Variants in FOXO1 observed in about 807,000 individuals in gnomAD.
FOXO1 encodes the protein forkhead box O1.
In FOXO1, 6 loss-of-function variants were observed where a neutral mutation model predicts 44.1. The ratio of observed to expected loss-of-function variants is 0.14; its 90% CI spans 0.07 to 0.27. The LOEUF (loss-of-function observed/expected upper bound fraction) is 0.27, where lower values mean the gene tolerates loss of function less well. FOXO1 is among the 10% of genes least tolerant of loss of function. The probability of loss-of-function intolerance (pLI) is 1.00; values close to 1 mark genes in which losing one functional copy is unlikely to be tolerated. For missense variants in FOXO1, 737 were observed against 888.8 expected (o/e 0.83, Z 2.17); for synonymous variants, 380 against 362.7 (o/e 1.05, Z -0.54).
At chr13:40,585,677 G>T (rs1566067927) in intron 1 of FOXO1, among the ~76,000 whole-genome samples, 1 of 152,150 alleles carries the variant, frequency 6.6e-6, no homozygotes, top group Non-Finnish European at 1.5e-5. Flanking sequence ...TGATTCAGGT[G>T]AGCCCTACTC....
At chr13:40,665,488 T>A (rs1467052820) in intron 1 of FOXO1, 95 bp downstream of exon 1, 4 of 1,117,936 alleles carry the variant, frequency 3.6e-6, no homozygotes, top group Non-Finnish European at 3.5e-6. Context: ...GCTGCCCTCC[T>A]GCTCCGCACC....
intron 1 of FOXO1, among the ~76,000 whole-genome samples, chr13:40,627,726 G>A (rs1478397243): frequency 5.3e-5 from 8 of 151,814 alleles, no homozygotes; most frequent in Non-Finnish European, 1.2e-4. Context: ...CCAGCTACTC[G>A]GGAAGCTGAG....
At position 40,588,734 on chromosome 13, in the gene FOXO1, G is replaced by GGTCTC. The variant is rs992459104; in HGVS notation, c.631-27879_631-27875dup. On this transcript the variant is annotated intron_variant, in intron 1 of 2. Coordinates refer to ENST00000379561, the MANE Select transcript of FOXO1 (RefSeq NM_002015.4). ...AGAATTCAGAATGAGCAACTATGGAGGTCTCCTTGGTAGAATAAAGGGCCT... is the reference window on the plus strand; with the variant it reads ...AGAATTCAGAATGAGCAACTATGGAGGTCTCGTCTCCTTGGTAGAATAAAGGGCCT... Among the ~76,000 whole-genome samples, 4 of 152,132 alleles carry GGTCTC rather than the reference G, an allele frequency of 2.6e-5. No homozygotes were observed. The East Asian group carries it at 7.7e-4, about 29-fold the overall frequency.
At chr13:40,619,913 C>T (rs1876552338) in intron 1 of FOXO1, 1 of 689,622 alleles carries the variant, frequency 1.5e-6, no homozygotes, top group Non-Finnish European at 2.7e-6. Flanking sequence ...TATAATGTTA[C>T]AGTGAGAAAT....
intron 1 of FOXO1, among the ~76,000 whole-genome samples, chr13:40,587,086 G>C (rs990619169): frequency 1.3e-5 from 2 of 152,046 alleles, no homozygotes; most frequent in Non-Finnish European, 2.9e-5. Context: ...AGCACAGATG[G>C]GTTTCTGCAC....
chr13:40,653,452 T>G lies in FOXO1; in HGVS notation c.630+12131A>C, dbSNP rs558209173. On this transcript the variant is annotated intron_variant, in intron 1 of 2. Coordinates refer to ENST00000379561, the MANE Select transcript of FOXO1 (RefSeq NM_002015.4). ...ACCCGCAGAGGAAATGCACTAATTT[T>G]TTAATTAAAAAAGGAAAACCAATAT... 2.0e-5 allele frequency among the ~76,000 whole-genome samples: 3 copies of G among 152,260 alleles called. No homozygotes were observed. In the East Asian group the frequency reaches 5.8e-4, roughly 29 times the overall value.
intron 1 of FOXO1, among the ~76,000 whole-genome samples, chr13:40,600,829 A>C (rs1006374822): frequency 3.3e-5 from 5 of 152,230 alleles, no homozygotes; most frequent in African/African-American, 1.2e-4. Flanking sequence ...GGCATTCAAA[A>C]TTTATGTCCA....
At chr13:40,664,690 A>G (rs1878160460) in intron 1 of FOXO1, among the ~76,000 whole-genome samples, 1 of 152,042 alleles carries the variant, frequency 6.6e-6, no homozygotes. Context: ...GCCTCCTACC[A>G]GGGGCAAGAC....
At position 40,563,347 on chromosome 13, in the gene FOXO1, G is replaced by C. The variant is rs560917944; in HGVS notation, c.631-2487C>G. Among the ~76,000 whole-genome samples, 194 of 152,330 alleles carry C rather than the reference G, an allele frequency of 1.3e-3. 2 individuals are homozygous for C. The highest frequency in any genetic ancestry group is 4.5e-3 in the African/African-American group (186 of 41,582). On this transcript the variant is annotated intron_variant, in intron 1 of 2. Coordinates refer to ENST00000379561, the MANE Select transcript of FOXO1 (RefSeq NM_002015.4). Reference sequence around the variant, plus strand: ...AAATGGAGGGGTCTCACTTTCTAAAGGGAGATGCAAAAGTCAGGGTAAGGC... The same window carrying C: ...AAATGGAGGGGTCTCACTTTCTAAACGGAGATGCAAAAGTCAGGGTAAGGC...
intron 1 of FOXO1, among the ~76,000 whole-genome samples, chr13:40,592,879 A>AT (rs1875436066): frequency 6.6e-6 from 1 of 152,346 alleles, no homozygotes; most frequent in African/African-American, 2.4e-5. Flanking sequence ...ATGATCAAAC[A>AT]TAATTAAAGG....
intron 1 of FOXO1, chr13:40,619,903 TATA>T (rs1219649376): frequency 5.7e-6 from 4 of 703,156 alleles, no homozygotes; most frequent in Admixed American, 4.0e-5. Flanking sequence ...TGGGGCTAGA[TATA>T]ATGTTACAGT....
At chr13:40,584,469 C>CA (rs55733141) in intron 1 of FOXO1, among the ~76,000 whole-genome samples, 1,156 of 62,916 alleles carry the variant, frequency 0.018, 142 homozygotes, top group Non-Finnish European at 0.024. Context: ...ACAAAAAATG[C>CA]AAAAAAAAAA....
At chr13:40,584,469 CAAAAAAAAAAA>C (rs55733141) in intron 1 of FOXO1, among the ~76,000 whole-genome samples, 99 of 63,092 alleles carry the variant, frequency 1.6e-3, no homozygotes, top group Non-Finnish European at 2.0e-3. Flanking sequence ...ACAAAAAATG[CAAAAAAAAAAA>C]AAAAAAAAAA....
In FOXO1 at chr13:40,572,273, C is replaced by T. The variant is rs79475271; in HGVS notation, c.631-11413G>A. Among the ~76,000 whole-genome samples, 1,068 of 152,212 alleles carry T rather than the reference C, an allele frequency of 7.0e-3. 9 individuals carry two copies. Among genetic ancestry groups the T allele is most frequent in the Non-Finnish European group, 0.011 (734 of 68,010 alleles). On this transcript the variant is annotated intron_variant, in intron 1 of 2. Transcript: ENST00000379561. ...CTGGAAAATCTAGGGAAGAATTTAT[C>T]TATTGGATACATAGTCTGTTTACTA...
intron 1 of FOXO1, among the ~76,000 whole-genome samples, chr13:40,583,417 C>G (rs537653112): frequency 5.9e-5 from 9 of 152,342 alleles, no homozygotes; most frequent in Non-Finnish European, 8.8e-5. Flanking sequence ...AACTTCTCCT[C>G]TCTAGCTATG....
intron 1 of FOXO1, chr13:40,621,142 C>T (rs1409774790): frequency 2.4e-6 from 1 of 414,740 alleles, no homozygotes; most frequent in East Asian, 7.3e-5. Flanking sequence ...TCTTTCCACC[C>T]AGCGCTAGAG....
chr13:40,559,890 A>C lies in FOXO1; in HGVS notation c.1601T>G (p.Val534Gly), dbSNP rs1405817879. The change falls in exon 2 of 3, where the codon GTT becomes GGT. Residue 534 changes from valine to glycine, a missense_variant. By Grantham distance (109) the Val-to-Gly change is moderately radical. Coordinates refer to ENST00000379561, the MANE Select transcript of FOXO1 (RefSeq NM_002015.4). ...HPGHAQQTSAVNGRPLPHTVS... is the reference protein window; with the variant it reads ...HPGHAQQTSAGNGRPLPHTVS... ...CGTGTGGGGCAGGGGACGCCCGTTA[A>C]CTGCAGATGTCTGCTGAGCATGTCC... 5.0e-6 allele frequency: 8 copies of C among 1,614,024 alleles called. No individual in the cohort carries two copies. The highest frequency in any genetic ancestry group is 6.8e-6 in the Non-Finnish European group (8 of 1,180,038).
In FOXO1 at chr13:40,556,143, T is replaced by C. The variant is rs1454313745; in HGVS notation, c.*2906A>G. 6.6e-6 allele frequency: 1 copy of C among 152,254 alleles called. No homozygotes were observed. Among genetic ancestry groups the C allele is most frequent in the Non-Finnish European group, 1.5e-5 (1 of 68,038 alleles). 9.4% of individuals were successfully genotyped at this position (152,254 alleles called of 1,614,324 possible). On this transcript the variant is annotated 3_prime_UTR_variant, in exon 3 of 3. Transcript: ENST00000379561. ...ACTCTTAGGAGCTTGAATGTAAGAA[T>C]TTTAAGTTGGGGCTGGGGTTATTGG...
Position 40,560,658 on chromosome 13 carries a change from T to A in FOXO1, c.833A>T (p.Gln278Leu). The A allele has an allele frequency of 6.2e-7, 1 of 1,614,192 alleles. No homozygotes were observed. Among genetic ancestry groups the A allele is most frequent in the Non-Finnish European group, 8.5e-7 (1 of 1,180,016 alleles). Residue 278 changes from glutamine (Q) to leucine (L), a missense_variant, in exon 2 of 3, where the codon CAG (glutamine) becomes CTG (leucine). Gln to Leu is a moderately radical substitution (Grantham distance 113, BLOSUM62 -2). Around this residue, in one of 7 missense-constraint regions of FOXO1, gnomAD observed 136 missense variants for 186.4 expected, o/e 0.73. Transcript: ENST00000379561. This position sits in a 1 kb window ranked among gnomAD's most constrained non-coding sequence, Gnocchi z 5.1. ...GTCCCCAGCACCCTCCTGGCCAGAC[T>A]GGAGAGATGCTTTCTTCTTGGCAGC... is the stretch of plus-strand genomic sequence containing the variant. ...SRAAKKKASLQSGQEGAGDSP... is the reference protein window; with the variant it reads ...SRAAKKKASLLSGQEGAGDSP...
Sources: allele counts gnomAD v4.1 joint callset (sites outside exome capture counted in the v4.1 genomes callset), GRCh38; gene constraint gnomAD v4.1.1; regional missense constraint gnomAD v4.1.1; non-coding constraint Gnocchi (gnomAD v3.1); transcripts MANE v1.5; gene names NCBI Gene and HGNC (gene_info 2026-07-23, HGNC 2026-07-21).